Variants in PCSK5 observed in about 807,000 individuals in gnomAD.
The protein encoded by PCSK5 is prohormone convertase 5.
A neutral mutation model predicts 233.2 loss-of-function variants in PCSK5; 129 were observed. The ratio of observed to expected loss-of-function variants is 0.55; its 90% confidence interval spans 0.48 to 0.64. PCSK5 has a LOEUF of 0.64. Ranked by LOEUF, PCSK5 falls within the 30% of genes least tolerant of loss-of-function variation. PCSK5 has a pLI of 0.00. For missense variants in PCSK5, 2,076 were observed against 2,430.1 expected (o/e 0.85, Z 3.06); for synonymous variants, 825 against 879.2 (o/e 0.94, Z 1.09).
At chr9:76,071,654 C>A (rs1448575001) in intron 6 of PCSK5, 72 bp from the exon 7 acceptor site, 3 of 1,259,444 alleles carry the variant, frequency 2.4e-6, no homozygotes, top group South Asian at 1.5e-5. Context: ...CCCCGAGAAT[C>A]CTGCAGCTCT....
chr9:76,091,755 T>C (rs1227983107), intron 7 of PCSK5, among the ~76,000 whole-genome samples: 2 of 152,118 alleles, frequency 1.3e-5, no homozygotes, highest in Non-Finnish European at 2.9e-5. Flanking sequence ...CCTGACCAAC[T>C]CCGATTAGCC....
At chr9:76,227,071 G>A (rs1344346165) in intron 20 of PCSK5, among the ~76,000 whole-genome samples, 1 of 152,062 alleles carries the variant, frequency 6.6e-6, no homozygotes, top group Non-Finnish European at 1.5e-5. Context: ...CTACCCCATG[G>A]GGTGGTAAGA....
rs1163539726 is a variant in PCSK5, at chr9:76,196,196, C to T, written c.2626+6450C>T. Among the ~76,000 whole-genome samples the T allele has an allele frequency of 3.3e-5, 5 of 152,296 alleles. No individual in the cohort carries two copies. The East Asian group carries it at 7.7e-4, about 24-fold the overall frequency. ...TCTATCAGATTGTACAGACGCTGGA[C>T]CCCAGAACAGGGCCCACCTGGTCCC... On this transcript the variant is annotated intron_variant, in intron 20 of 37. Coordinates refer to ENST00000674117, the MANE Select transcript of PCSK5 (RefSeq NM_001372043.1).
rs748474395 is a variant in PCSK5 at position 76,328,226 on chromosome 9, C to A, written c.4557C>A (p.Asn1519Lys). The stretch of plus-strand genomic sequence containing the variant: ...ACCAGTGTCAAACATGCCCCATGAA[C>A]AGCCTTCTTCTCAGTGAGTTACTTC... ...AEDQCQTCPM[N>K]SLLLNTTCVK... Residue 1519 changes from asparagine (N) to lysine (K), a missense_variant, in exon 33 of 38, where the codon AAC becomes AAA. This residue lies in a region of PCSK5 where 1,510 missense variants were observed against 1,538.1 expected (regional missense o/e 0.98). Transcript: ENST00000674117. The A allele has an allele frequency of 6.2e-7, 1 of 1,610,820 alleles. No homozygotes were observed. Among genetic ancestry groups the A allele is most frequent in the Admixed American group, 1.7e-5 (1 of 60,014 alleles).
intron 24 of PCSK5, among the ~76,000 whole-genome samples, chr9:76,257,911 A>G (rs973838727): frequency 2.0e-5 from 3 of 152,188 alleles, no homozygotes; most frequent in Non-Finnish European, 4.4e-5. Flanking sequence ...GTTTTCCTAT[A>G]TGTATATGTT....
intron 2 of PCSK5, among the ~76,000 whole-genome samples, chr9:75,940,722 C>G (rs1429085969): frequency 6.6e-6 from 1 of 152,192 alleles, no homozygotes; most frequent in Non-Finnish European, 1.5e-5. Context: ...GCATCTACTC[C>G]TTATCAGTCA....
chr9:76,324,978 T>G (rs1829319390), intron 32 of PCSK5, among the ~76,000 whole-genome samples: 1 of 152,108 alleles, frequency 6.6e-6, no homozygotes, highest in South Asian at 2.1e-4. Flanking sequence ...GGGAAGGTTT[T>G]TAGTAGGACA....
At chr9:76,229,663 T>C (rs574289021) in intron 21 of PCSK5, among the ~76,000 whole-genome samples, 5 of 152,390 alleles carry the variant, frequency 3.3e-5, no homozygotes, top group Admixed American at 3.3e-4. Context: ...CACTAAGTGC[T>C]GTTTTAATGG....
At chr9:76,110,027 A>C (rs935880863) in intron 9 of PCSK5, among the ~76,000 whole-genome samples, 2 of 152,206 alleles carry the variant, frequency 1.3e-5, no homozygotes, top group African/African-American at 4.8e-5. Context: ...TCATTTACCC[A>C]GCCCCACCCC....
Position 76,201,690 on chromosome 9 carries a change from T to G in PCSK5, c.2626+11944T>G, listed in dbSNP as rs138593400. Among the ~76,000 whole-genome samples the G allele has an allele frequency of 1.8e-3, 274 of 152,286 alleles. 1 individual carries two copies. Among genetic ancestry groups the G allele is most frequent in the African/African-American group, 6.2e-3 (258 of 41,552 alleles). ...CAAGGCAGGAGTCAATATTTGATCATTAAAGTTAGTAACAACCAATGGGCC... is the reference window on the plus strand; with the variant it reads ...CAAGGCAGGAGTCAATATTTGATCAGTAAAGTTAGTAACAACCAATGGGCC... On this transcript the variant is annotated intron_variant, in intron 20 of 37. Coordinates refer to ENST00000674117, the MANE Select transcript of PCSK5 (RefSeq NM_001372043.1).
At chr9:76,276,556 CT>C (rs532728198) in intron 24 of PCSK5, among the ~76,000 whole-genome samples, 70 of 152,294 alleles carry the variant, frequency 4.6e-4, no homozygotes, top group African/African-American at 1.6e-3. Context: ...CTTGATGTTC[CT>C]TGAAGGGGAC....
intron 30 of PCSK5, among the ~76,000 whole-genome samples, chr9:76,320,820 GT>G (rs201178647): frequency 0.23 from 30,585 of 135,300 alleles, 3,218 homozygotes; most frequent in African/African-American, 0.28. Flanking sequence ...TTTTGGTTTT[GT>G]TTTTTTTTTT....
intron 5 of PCSK5, among the ~76,000 whole-genome samples, chr9:76,053,978 C>T (rs1829728820): frequency 6.6e-6 from 1 of 152,194 alleles, no homozygotes; most frequent in African/African-American, 2.4e-5. Flanking sequence ...TTGATAGACT[C>T]ACAGTTCCAC....
intron 20 of PCSK5, among the ~76,000 whole-genome samples, chr9:76,199,604 G>A (rs1329252145): frequency 2.6e-5 from 4 of 152,054 alleles, no homozygotes; most frequent in Admixed American, 6.6e-5. Context: ...CCTTGGTGGT[G>A]GTCAGGGAGG....
Position 76,038,527 on chromosome 9 carries a change from G to A in PCSK5, c.632+11490G>A, listed in dbSNP as rs141507286. ...TCCCTTTAATGTTTTCCAAAGGAGT[G>A]GGAAATAGGTGTTGTTATACTTGAA... On this transcript the variant is annotated intron_variant, in intron 5 of 37. Transcript: ENST00000674117. 5.3e-4 allele frequency among the ~76,000 whole-genome samples: 81 copies of A among 152,236 alleles called. No homozygotes were observed. In the East Asian group the frequency reaches 9.8e-3, roughly 18 times the overall value.
intron 36 of PCSK5, among the ~76,000 whole-genome samples, chr9:76,352,147 T>C (rs1161655161): frequency 5.3e-5 from 8 of 152,302 alleles, no homozygotes; most frequent in Middle Eastern, 3.4e-3. Flanking sequence ...TGCCCATCTT[T>C]ATGGTTATTT....
chr9:76,091,138 C>A lies in PCSK5; in HGVS notation c.895-4752C>A, dbSNP rs567353866. ...GCCGGATTCCTAACAAGCCACGGAT[C>A]AATTTCGGTTGAGGACTCCTGGCTT... On this transcript the variant is annotated intron_variant, in intron 7 of 37. Coordinates refer to ENST00000674117, the MANE Select transcript of PCSK5 (RefSeq NM_001372043.1). Among the ~76,000 whole-genome samples the A allele has an allele frequency of 1.6e-4, 25 of 152,292 alleles. No homozygotes were observed. In the South Asian group the frequency reaches 2.1e-3, roughly 13 times the overall value.
At chr9:75,895,299 A>G (rs1238285287) in intron 1 of PCSK5, among the ~76,000 whole-genome samples, 2 of 152,220 alleles carry the variant, frequency 1.3e-5, no homozygotes, top group African/African-American at 4.8e-5. Flanking sequence ...TGAGTTAACT[A>G]TGCATTGCTC....
chr9:75,970,121 C>T (rs1825754664), intron 2 of PCSK5, among the ~76,000 whole-genome samples: 1 of 152,124 alleles, frequency 6.6e-6, no homozygotes. Context: ...GATCCGCCCA[C>T]CTTGGCCTCC....
Sources: allele counts gnomAD v4.1 joint callset (sites outside exome capture counted in the v4.1 genomes callset), GRCh38; gene constraint gnomAD v4.1.1; regional missense constraint gnomAD v4.1.1; transcripts MANE v1.5; gene names NCBI Gene and HGNC (gene_info 2026-07-23, HGNC 2026-07-21).